The following LPP variants were observed in gnomAD, a reference collection of about 807,000 sequenced individuals.
The protein encoded by LPP is LIM domain containing preferred translocation partner in lipoma.
Under a neutral mutation model 60.4 loss-of-function variants are expected in LPP, and 38 were observed. The observed-to-expected ratio is 0.63, with a 90% confidence interval of 0.49 to 0.83. The LOEUF is 0.83. Ranked by LOEUF, LPP falls within the 40% of genes least tolerant of loss-of-function variation. The pLI, the probability that LPP is intolerant of heterozygous loss-of-function variation, is 0.00. For synonymous variants in LPP, 328 were observed against 290.8 expected, an observed-to-expected ratio of 1.13 and a Z score of -1.30; for missense variants, 902 against 783.6, an observed-to-expected ratio of 1.15 and a Z score of -1.80.
chr3:188,408,926 C>T (rs1784292241), intron 4 of LPP, among the ~76,000 whole-genome samples: 2 of 152,220 alleles, frequency 1.3e-5, no homozygotes, highest in African/African-American at 4.8e-5. Flanking sequence ...AGTGATACAT[C>T]CCTGCATCCC....
At chr3:188,541,086 C>T (rs1005167055) in intron 6 of LPP, among the ~76,000 whole-genome samples, 1 of 152,198 alleles carries the variant, frequency 6.6e-6, no homozygotes, top group Non-Finnish European at 1.5e-5. Flanking sequence ...AATTATGACT[C>T]ATAGATTATT....
rs535291790 is a variant in LPP, at chr3:188,853,622, G to T, written c.1411-12578G>T. ...AGGGGAGGTAGGACAGCATCCTGAA[G>T]GGCCTTGAACATCAAGTTAAAACGT... On this transcript the variant is annotated intron_variant, in intron 9 of 11. Coordinates refer to ENST00000617246, the MANE Select transcript of LPP (RefSeq NM_001375462.1). Among the ~76,000 whole-genome samples the T allele has an allele frequency of 2.6e-5, 4 of 152,280 alleles. No homozygotes were observed. In the South Asian group the frequency reaches 8.3e-4, roughly 32 times the overall value.
intron 3 of LPP, among the ~76,000 whole-genome samples, chr3:188,359,105 C>A (rs145876298): frequency 6.6e-6 from 1 of 152,312 alleles, no homozygotes; most frequent in East Asian, 1.9e-4. Context: ...TCCAGCCAAC[C>A]AGCTGGACTA....
intron 11 of LPP, 27 bp downstream of exon 11, chr3:188,872,790 G>T (rs751343053): frequency 1.4e-5 from 23 of 1,613,746 alleles, no homozygotes; most frequent in Non-Finnish European, 1.9e-5. Context: ...TGCCCTGCCA[G>T]TCTGTGGCAG....
intron 5 of LPP, among the ~76,000 whole-genome samples, chr3:188,496,158 C>T (rs1427489932): frequency 6.6e-6 from 1 of 151,930 alleles, no homozygotes; most frequent in East Asian, 1.9e-4. Flanking sequence ...GGTCTTCTTG[C>T]TCTGTTGCCC....
At position 188,884,854 on chromosome 3, in the gene LPP, G is replaced by A. The variant is rs1460176338; in HGVS notation, c.*10375G>A. 2.7e-5 allele frequency: 6 copies of A among 225,724 alleles called. No individual in the cohort carries two copies. Among genetic ancestry groups the A allele is most frequent in the East Asian group, 1.9e-4 (3 of 15,666 alleles). 14.0% of individuals were successfully genotyped at this position (225,724 alleles called of 1,614,324 possible). On this transcript the variant is annotated 3_prime_UTR_variant, in exon 12 of 12. Transcript: ENST00000617246. ...TGCAACAGGCATTTCCGATAGAGCC[G>A]ATCCATGAGCTAACAATGTCTGAAA...
chr3:188,472,287 C>T (rs1333064540), intron 4 of LPP, among the ~76,000 whole-genome samples: 2 of 152,000 alleles, frequency 1.3e-5, no homozygotes, highest in African/African-American at 2.4e-5. Flanking sequence ...CAGCCAGTGA[C>T]CTTTTAATAC....
chr3:188,575,514 T>A (rs58421144), intron 6 of LPP, among the ~76,000 whole-genome samples: 1 of 152,168 alleles, frequency 6.6e-6, no homozygotes, highest in African/African-American at 2.4e-5. Flanking sequence ...TCTGAAATGG[T>A]ACAGCTAGTA....
At position 188,875,291 on chromosome 3, in the gene LPP, G is replaced by A. The variant is rs1011121194; in HGVS notation, c.*812G>A. 9.2e-6 allele frequency: 2 copies of A among 217,650 alleles called. No homozygotes were observed. The highest frequency in any genetic ancestry group is 6.9e-5 in the East Asian group (1 of 14,562). The allele number at this position is 217,650 out of a possible 1,614,324, so 13.5% of individuals were successfully genotyped here. ...TATTACCTTAAGATTTTTCTTTTCC[G>A]CACTACCTGAACATTGTAATACAGA... On this transcript the variant is annotated 3_prime_UTR_variant, in exon 12 of 12. Transcript: ENST00000617246.
chr3:188,666,813 G>T (rs1349289811), intron 7 of LPP, among the ~76,000 whole-genome samples: 1 of 152,126 alleles, frequency 6.6e-6, no homozygotes, highest in Non-Finnish European at 1.5e-5. Flanking sequence ...AGAAAGAGGA[G>T]ATTTTCAAAG....
At position 188,640,513 on chromosome 3, in the gene LPP, T is replaced by TATAATA. The variant is rs147449468; in HGVS notation, c.1113+30689_1113+30694dup. Among the ~76,000 whole-genome samples, 11 of 141,962 alleles carry TATAATA rather than the reference T, an allele frequency of 7.7e-5. No individual in the cohort carries two copies. In the East Asian group the frequency reaches 8.3e-4, roughly 11 times the overall value. The allele number at this position is 141,962 out of a possible 152,430, so 93.1% of individuals were successfully genotyped here. A position where few individuals can be genotyped will look rare whatever the true frequency, so the allele number is the denominator to read the frequency against. On this transcript the variant is annotated intron_variant, in intron 7 of 11. Coordinates refer to ENST00000617246, the MANE Select transcript of LPP (RefSeq NM_001375462.1). ...TGCACATGTACCCTAAAACTTAAAG[T>TATAATA]ATAATAATAATAATAATAATAATAA...
At chr3:188,774,232 T>G (rs995234142) in intron 9 of LPP, among the ~76,000 whole-genome samples, 1 of 152,180 alleles carries the variant, frequency 6.6e-6, no homozygotes, top group Non-Finnish European at 1.5e-5. Context: ...GTCTGCCCAG[T>G]TTGGTTACAC....
At chr3:188,202,802 A>G (rs1731443916) in intron 1 of LPP, among the ~76,000 whole-genome samples, 1 of 152,086 alleles carries the variant, frequency 6.6e-6, no homozygotes, top group African/African-American at 2.4e-5. Context: ...TTTGCTGCTC[A>G]TGGAGGTTTC....
chr3:188,555,772 G>A (rs2378399), intron 6 of LPP, among the ~76,000 whole-genome samples: 3,530 of 152,102 alleles, frequency 0.023, 124 homozygotes, highest in African/African-American at 0.077. Flanking sequence ...TTAGAGATTC[G>A]AGTATTGGTT....
intron 2 of LPP, among the ~76,000 whole-genome samples, chr3:188,226,960 C>A (rs188889316): frequency 6.6e-6 from 1 of 152,232 alleles, no homozygotes; most frequent in Admixed American, 6.5e-5. Flanking sequence ...CAAACATGAT[C>A]TGGAATATAT....
chr3:188,679,419 T>C (rs1344961892), intron 7 of LPP, among the ~76,000 whole-genome samples: 1 of 152,220 alleles, frequency 6.6e-6, no homozygotes, highest in Non-Finnish European at 1.5e-5. Context: ...ATTAAAATTA[T>C]GGTATTCCTT....
chr3:188,181,584 T>C (rs1277879788), intron 1 of LPP, among the ~76,000 whole-genome samples: 1 of 152,210 alleles, frequency 6.6e-6, no homozygotes, highest in Non-Finnish European at 1.5e-5. Flanking sequence ...TTCTTTTAAC[T>C]ATAGAAAAAT....
chr3:188,207,389 G>A (rs574519075), intron 1 of LPP, among the ~76,000 whole-genome samples: 30 of 151,662 alleles, frequency 2.0e-4, no homozygotes, highest in African/African-American at 7.2e-4. Context: ...ACACCACCAC[G>A]CCTGTTTAGT....
At chr3:188,181,368 A>G (rs894816526) in intron 1 of LPP, among the ~76,000 whole-genome samples, 24 of 151,768 alleles carry the variant, frequency 1.6e-4, no homozygotes, top group East Asian at 5.8e-4. Context: ...AAAAAAAAAA[A>G]AAGAAGAAGA....
Sources: gnomAD v4.1 joint callset for allele counts (sites outside exome capture counted in the v4.1 genomes callset) on GRCh38, gnomAD v4.1.1 for gene constraint, MANE v1.5 for transcripts, NCBI Gene and HGNC (gene_info 2026-07-23, HGNC 2026-07-21) for gene names.